TRMT2A: variants seen among roughly 807,000 people sequenced by gnomAD.
TRMT2A encodes tRNA methyltransferase 2A.
Under a neutral mutation model 59.3 loss-of-function variants are expected in TRMT2A, and 60 were observed. The observed-to-expected ratio is 1.01, with a 90% CI of 0.82 to 1.26. The LOEUF is 1.26. TRMT2A is among the 50% of genes most tolerant of loss of function. The pLI is 0.00. For missense variants in TRMT2A, 863 were observed against 845.2 expected, an observed-to-expected ratio of 1.02 and a Z score of -0.26; for synonymous variants, 403 against 353.7, an observed-to-expected ratio of 1.14 and a Z score of -1.56.
In TRMT2A at chr22:20,115,049, C is replaced by T. The variant is rs377631352; in HGVS notation, c.921G>A (p.Glu307=). The T allele has an allele frequency of 8.8e-6, 14 of 1,595,972 alleles. No homozygotes were observed. The African/African-American group carries it at 1.6e-4, about 18-fold the overall frequency. The change falls in exon 5 of 12, where the codon GAG becomes GAA. Residue 307 remains glutamate (E), a synonymous_variant. Transcript: ENST00000252136. The part of the protein sequence containing the change: ...RSTPYSAYDP[E]TYTGHWKQLT... Reference sequence around the variant, plus strand: ...GCTGCTTCCAGTGGCCTGTGTACGTCTCTGGGTCGTATGCCGAGTATGGAG... The same window carrying T: ...GCTGCTTCCAGTGGCCTGTGTACGTTTCTGGGTCGTATGCCGAGTATGGAG...
At chr22:20,113,365 G>C in intron 9 of TRMT2A, 67 bp downstream of exon 9, 2 of 1,561,780 alleles carry the variant, frequency 1.3e-6, no homozygotes, top group Admixed American at 1.8e-5. Context: ...CCTGGCTGTG[G>C]CTGAGGCTTG....
At position 20,114,969 on chromosome 22, in the gene TRMT2A, G is replaced by C; in HGVS notation, c.1001C>G (p.Pro334Arg). ...HQAMAIAYFH[P>R]QKLSPEELAE... ...CAGCAGGGCCCCCGTTGAGACCTGG[G>C]GGTGGAAGTAGGCAATGGCCATGGC... Residue 334 changes from proline (P) to arginine (R), a missense_variant, in exon 5 of 12, where the codon CCC (proline) becomes CGC (arginine). Coordinates refer to ENST00000252136, the MANE Select transcript of TRMT2A (RefSeq NM_022727.6). The C allele has an allele frequency of 1.3e-6, 2 of 1,590,776 alleles. No homozygotes were observed. Among genetic ancestry groups the C allele is most frequent in the Non-Finnish European group, 1.7e-6 (2 of 1,170,072 alleles).
At position 20,112,509 on chromosome 22, in the gene TRMT2A, G is replaced by T. The variant is rs1007027977; in HGVS notation, c.*54C>A. 6.4e-7 allele frequency: 1 copy of T among 1,569,536 alleles called. No homozygotes were observed. Among genetic ancestry groups the T allele is most frequent in the Non-Finnish European group, 8.7e-7 (1 of 1,155,844 alleles). ...CTGGCCAGCAAGCCATGCCTTCCCC[G>T]CCCCTGGGGCCCTGGGAGCCCTTCA... On this transcript the variant is annotated 3_prime_UTR_variant, in exon 12 of 12. Transcript: ENST00000252136.
intron 7 of TRMT2A, among the ~76,000 whole-genome samples, chr22:20,114,218 G>A (rs758239522): frequency 2.9e-4 from 44 of 152,118 alleles, no homozygotes; most frequent in African/African-American, 4.1e-4. Flanking sequence ...AAAAACGGCC[G>A]CTCCAGGTCC....
intron 4 of TRMT2A, 37 bp downstream of exon 4, chr22:20,115,229 C>T: frequency 6.2e-7 from 1 of 1,600,196 alleles, no homozygotes; most frequent in South Asian, 1.1e-5. Context: ...TCCCACACCG[C>T]ATAGGACTTC....
chr22:20,117,217 G>A lies in TRMT2A; in HGVS notation c.-311C>T, dbSNP rs1436582308. On this transcript the variant is annotated 5_prime_UTR_variant, in exon 1 of 12. Coordinates refer to ENST00000252136, the MANE Select transcript of TRMT2A (RefSeq NM_022727.6). ...CGCCAGCGCGTGCGGCGGAGGCCGA[G>A]CGTCTCTATGATCCTGGCTTCTGGC... is the stretch of plus-strand genomic sequence containing the variant. The A allele has an allele frequency of 1.8e-6, 1 of 542,898 alleles. No homozygotes were observed. Among genetic ancestry groups the A allele is most frequent in the Non-Finnish European group, 3.0e-6 (1 of 330,618 alleles). 33.6% of individuals were successfully genotyped at this position (542,898 alleles called of 1,614,324 possible). A position where few individuals can be genotyped will look rare whatever the true frequency, so the allele number is the denominator to read the frequency against.
Position 20,112,121 on chromosome 22 carries a change from CCT to C in TRMT2A, c.*440_*441del, listed in dbSNP as rs1017865717. 5.2e-5 allele frequency: 9 copies of C among 171,932 alleles called. No homozygotes were observed. The highest frequency in any genetic ancestry group is 1.6e-4 in the South Asian group (1 of 6,218). 10.7% of individuals were successfully genotyped at this position (171,932 alleles called of 1,614,324 possible). A position where few individuals can be genotyped will look rare whatever the true frequency, so the allele number is the denominator to read the frequency against. On this transcript the variant is annotated 3_prime_UTR_variant, in exon 12 of 12. Transcript: ENST00000252136. Reference sequence around the variant, plus strand: ...GCCCCCAGCTGGTGCAGTTCCCAGACCTCTCTCTGCCTCTCCTCAAGTTTAAG... The same window carrying C: ...GCCCCCAGCTGGTGCAGTTCCCAGACCTCTCTGCCTCTCCTCAAGTTTAAG...
At position 20,114,957 on chromosome 22, in the gene TRMT2A, GT is replaced by G. The variant is rs748746018; in HGVS notation, c.1005+7del. 3 of 1,582,374 alleles carry G rather than the reference GT, an allele frequency of 1.9e-6. No individual in the cohort carries two copies. The highest frequency in any genetic ancestry group is 3.7e-5 in the Admixed American group (2 of 53,894). On this transcript the variant is annotated splice_region_variant and intron_variant, in intron 5 of 11. Coordinates refer to ENST00000252136, the MANE Select transcript of TRMT2A (RefSeq NM_022727.6). Reference sequence around the variant, plus strand: ...GGCACCCTCCCCCAGCAGGGCCCCCGTTGAGACCTGGGGGTGGAAGTAGGCA... The same window carrying G: ...GGCACCCTCCCCCAGCAGGGCCCCCGTGAGACCTGGGGGTGGAAGTAGGCA...
intron 7 of TRMT2A, 149 bp downstream of exon 7, chr22:20,114,425 C>T (rs2049942407): frequency 1.4e-6 from 1 of 690,884 alleles, no homozygotes; most frequent in Non-Finnish European, 2.6e-6. Context: ...TGATGACCAA[C>T]CTCTTTCTTA....
intron 7 of TRMT2A, 80 bp downstream of exon 7, chr22:20,114,494 C>T: frequency 8.5e-7 from 1 of 1,182,490 alleles, no homozygotes; most frequent in Non-Finnish European, 1.3e-6. Flanking sequence ...ACCGCCTGAG[C>T]CCACTGTTCC....
chr22:20,113,093 ACCT>A (rs2049896961), intron 10 of TRMT2A, 22 bp downstream of exon 10: 2 of 1,608,728 alleles, frequency 1.2e-6, no homozygotes, highest in African/African-American at 1.3e-5. Flanking sequence ...TTCCCGTGCC[ACCT>A]CCTTAAGCAA....
chr22:20,115,499 G>A (rs2049983026), intron 3 of TRMT2A, 52 bp from the exon 4 acceptor site: 2 of 1,582,136 alleles, frequency 1.3e-6, no homozygotes, highest in East Asian at 4.5e-5. Flanking sequence ...GCTTGGGCCT[G>A]GAAACCCTGA....
Position 20,116,537 on chromosome 22 carries a change from C to T in TRMT2A, c.100G>A (p.Ala34Thr). 6.2e-7 allele frequency: 1 copy of T among 1,602,322 alleles called. No individual in the cohort carries two copies. Among genetic ancestry groups the T allele is most frequent in the Non-Finnish European group, 8.5e-7 (1 of 1,176,376 alleles). ...ACCTCCTCCAGGGCTGCCGGGGCTG[C>T]AGGGGGCACCGAGACGGTAGGGCAG... ...LSCPTVSVPPAAPAALEEVEK... is the reference protein window; with the variant it reads ...LSCPTVSVPPTAPAALEEVEK... Residue 34 changes from alanine to threonine, a missense_variant, in exon 2 of 12, where the codon GCA becomes ACA. Physicochemically the swap from Ala to Thr is moderately conservative, Grantham distance 58. Coordinates refer to ENST00000252136, the MANE Select transcript of TRMT2A (RefSeq NM_022727.6).
At chr22:20,113,609 T>G (rs1568969733) in intron 8 of TRMT2A, 77 bp downstream of exon 8, 1 of 1,601,874 alleles carries the variant, frequency 6.2e-7, no homozygotes, top group African/African-American at 1.3e-5. Flanking sequence ...TGGAGTCAGC[T>G]GTGGTGACTT....
At chr22:20,115,492 T>TCA in intron 3 of TRMT2A, 45 bp from the exon 4 acceptor site, 2 of 1,584,908 alleles carry the variant, frequency 1.3e-6, no homozygotes, top group Non-Finnish European at 1.7e-6. Flanking sequence ...GCCCAGCGCT[T>TCA]GGGCCTGGAA....
chr22:20,113,085 C>G (rs1184387290), intron 10 of TRMT2A, 33 bp downstream of exon 10: 1 of 1,610,168 alleles, frequency 6.2e-7, no homozygotes, highest in East Asian at 2.2e-5. Flanking sequence ...TGTCCTCGTT[C>G]CCGTGCCACC....
At position 20,115,039 on chromosome 22, in the gene TRMT2A, C is replaced by A; in HGVS notation, c.931G>T (p.Gly311Cys). Residue 311 changes from glycine to cysteine, a missense_variant, in exon 5 of 12, where the codon GGC (glycine) becomes TGC (cysteine). Gly to Cys is a radical substitution (Grantham distance 159, BLOSUM62 -3). Coordinates refer to ENST00000252136, the MANE Select transcript of TRMT2A (RefSeq NM_022727.6). ...YSAYDPETYT[G>C]HWKQLTVRTS... ...CGCACAGTCAGCTGCTTCCAGTGGC[C>A]TGTGTACGTCTCTGGGTCGTATGCC... The A allele has an allele frequency of 1.9e-6, 3 of 1,597,808 alleles. No individual in the cohort carries two copies. The highest frequency in any genetic ancestry group is 2.3e-5 in the South Asian group (2 of 88,574).
chr22:20,116,257 C>G lies in TRMT2A; in HGVS notation c.380G>C (p.Arg127Pro). 6.2e-7 allele frequency: 1 copy of G among 1,612,990 alleles called. No homozygotes were observed. Among genetic ancestry groups the G allele is most frequent in the East Asian group, 2.2e-5 (1 of 44,886 alleles). Residue 127 changes from arginine (R) to proline (P), a missense_variant, in exon 2 of 12, where the codon CGC becomes CCC. Transcript: ENST00000252136. Reference protein sequence around the residue: ...RSAAERDKALRVLHGALWKGR... With the variant: ...RSAAERDKALPVLHGALWKGR... ...TTTCCAGAGGGCACCATGCAAAACG[C>G]GCAGGGCCTTGTCCCTCTCTGCAGC... is the stretch of plus-strand genomic sequence containing the variant.
Position 20,116,194 on chromosome 22 carries a change from G to A in TRMT2A, c.443C>T (p.Ala148Val). 1.2e-6 allele frequency: 2 copies of A among 1,613,060 alleles called. No homozygotes were observed. Among genetic ancestry groups the A allele is most frequent in the Non-Finnish European group, 1.7e-6 (2 of 1,180,004 alleles). ...PLSVRLARPK[A>V]DPMARRRRQE... ...TCGCCTCCTCCTGGCCATGGGGTCGGCCTTGGGCCGGGCCAGGCGCACACT... is the reference window on the plus strand; with the variant it reads ...TCGCCTCCTCCTGGCCATGGGGTCGACCTTGGGCCGGGCCAGGCGCACACT... The change falls in exon 2 of 12, where the codon GCC becomes GTC. Residue 148 changes from alanine to valine, a missense_variant. Physicochemically the swap from Ala to Val is moderately conservative, Grantham distance 64 (BLOSUM62 0). Coordinates refer to ENST00000252136, the MANE Select transcript of TRMT2A (RefSeq NM_022727.6).
Sources: gnomAD v4.1 joint callset for allele counts (sites outside exome capture counted in the v4.1 genomes callset) on GRCh38, gnomAD v4.1.1 for gene constraint, MANE v1.5 for transcripts, NCBI Gene and HGNC (gene_info 2026-07-23, HGNC 2026-07-21) for gene names.